The following DNAJC9 variants were observed in gnomAD, a reference collection of about 807,000 sequenced individuals.
The protein encoded by DNAJC9 is DnaJ heat shock protein family (Hsp40) member C9.
Under a neutral mutation model 32.4 loss-of-function variants are expected in DNAJC9, and 18 were observed. The observed-to-expected ratio is 0.56, with a 90% CI of 0.38 to 0.82. The LOEUF (loss-of-function observed/expected upper bound fraction) is 0.82, where lower values mean the gene tolerates loss of function less well. DNAJC9 is among the 40% of genes least tolerant of loss of function. The pLI, the probability that DNAJC9 is intolerant of heterozygous loss-of-function variation, is 0.00. For synonymous variants in DNAJC9, 113 were observed against 122.1 expected (o/e 0.93, Z 0.49); for missense variants, 310 against 321.8 (o/e 0.96, Z 0.28).
Position 73,242,167 on chromosome 10 carries a change from T to C in DNAJC9, c.*1233A>G, listed in dbSNP as rs1363691357. The C allele has an allele frequency of 6.6e-6, 1 of 152,176 alleles. No homozygotes were observed. Among genetic ancestry groups the C allele is most frequent in the African/African-American group, 2.4e-5 (1 of 41,452 alleles). 9.4% of individuals were successfully genotyped at this position (152,176 alleles called of 1,614,324 possible). A position where few individuals can be genotyped will look rare whatever the true frequency, so the allele number is the denominator to read the frequency against. ...AATTATATTTTTAATAAAATTAAAATCTATTTTTAACCTATTTGTAGTCAC... is the reference window on the plus strand; with the variant it reads ...AATTATATTTTTAATAAAATTAAAACCTATTTTTAACCTATTTGTAGTCAC... On this transcript the variant is annotated 3_prime_UTR_variant, in exon 5 of 5. Transcript: ENST00000372950.
intron 3 of DNAJC9, chr10:73,244,447 G>C (rs2133426707): frequency 6.6e-6 from 1 of 150,698 alleles, no homozygotes; most frequent in Middle Eastern, 3.4e-3. Context: ...AATAAGCTGT[G>C]ATCATGCCTC....
chr10:73,240,667 A>G (rs971138475), downstream of DNAJC9, among the ~76,000 whole-genome samples: 2 of 151,472 alleles, frequency 1.3e-5, no homozygotes, highest in East Asian at 1.9e-4. Flanking sequence ...AGCCGAGATC[A>G]TGCCACTGCA....
At chr10:73,232,604 T>G (rs904520205) in intron 2 of DNAJC9, among the ~76,000 whole-genome samples, 1 of 152,230 alleles carries the variant, frequency 6.6e-6, no homozygotes, top group African/African-American at 2.4e-5. Context: ...GGCAAATTTT[T>G]GGGAAGCACT....
Position 73,247,062 on chromosome 10 carries a change from T to C in DNAJC9, c.128A>G (p.His43Arg). Reference protein sequence around the residue: ...RGYHKVSLQVHPDRVGEGDKE... With the variant: ...RGYHKVSLQVRPDRVGEGDKE... ...GTCGCCCTCACCCACCCGGTCCGGG[T>C]GTACCTGCAGGGACACCTTGTGGTA... Residue 43 changes from histidine (H) to arginine (R), a missense_variant, in exon 1 of 5, where the codon CAC becomes CGC. Transcript: ENST00000372950. The C allele has an allele frequency of 6.3e-7, 1 of 1,583,322 alleles. No individual in the cohort carries two copies. Among genetic ancestry groups the C allele is most frequent in the Non-Finnish European group, 8.6e-7 (1 of 1,166,016 alleles).
Position 73,246,818 on chromosome 10 carries a change from T to C in DNAJC9, c.191A>G (p.Lys64Arg). 1 of 1,614,048 alleles carries C rather than the reference T, an allele frequency of 6.2e-7. No individual in the cohort carries two copies. Among genetic ancestry groups the C allele is most frequent in the Non-Finnish European group, 8.5e-7 (1 of 1,180,006 alleles). Residue 64 changes from lysine (K) to arginine (R), a missense_variant, in exon 2 of 5, where the codon AAA becomes AGA. Lys to Arg is a conservative substitution (Grantham distance 26). Coordinates refer to ENST00000372950, the MANE Select transcript of DNAJC9 (RefSeq NM_015190.5). Reference sequence around the variant, plus strand: ...TCTGTCACTGAGAACGGAATAGACTTTTCCCAGGATCTGAGGGCAAAGAGT... The same window carrying C: ...TCTGTCACTGAGAACGGAATAGACTCTTCCCAGGATCTGAGGGCAAAGAGT... ...DATRRFQILG[K>R]VYSVLSDREQ...
At chr10:73,235,684 G>A (rs1007537329), downstream of DNAJC9, among the ~76,000 whole-genome samples, 2 of 152,182 alleles carry the variant, frequency 1.3e-5, no homozygotes, top group African/African-American at 2.4e-5. Context: ...CCTGGTGGAT[G>A]AGTGAGTTGG....
chr10:73,245,603 C>A (rs1263533148), intron 3 of DNAJC9, among the ~76,000 whole-genome samples: 2 of 152,164 alleles, frequency 1.3e-5, no homozygotes, highest in African/African-American at 4.8e-5. Flanking sequence ...TCCTGTGTAC[C>A]CGGGTTCCAC....
chr10:73,232,981 C>G, intron 2 of DNAJC9: 4 of 1,551,876 alleles, frequency 2.6e-6, no homozygotes, highest in Non-Finnish European at 3.5e-6. Context: ...GGTCCAGTAC[C>G]ATCCTTTCAA....
chr10:73,240,481 G>A (rs1379415195), downstream of DNAJC9, among the ~76,000 whole-genome samples: 2 of 152,188 alleles, frequency 1.3e-5, no homozygotes, highest in African/African-American at 4.8e-5. Context: ...CGGAGGCCAA[G>A]GCGGGCGGAT....
At chr10:73,244,866 T>A (rs1158197376) in intron 3 of DNAJC9, among the ~76,000 whole-genome samples, 1 of 152,210 alleles carries the variant, frequency 6.6e-6, no homozygotes, top group Non-Finnish European at 1.5e-5. Context: ...CCTATCCCAA[T>A]AAGACACCGT....
At chr10:73,243,956 A>G (rs553467405) in intron 3 of DNAJC9, 27 bp from the exon 4 acceptor site, 14 of 1,584,898 alleles carry the variant, frequency 8.8e-6, no homozygotes, top group Middle Eastern at 1.7e-4. Flanking sequence ...CATGAGACTC[A>G]GGGCCACCAG....
In DNAJC9 at chr10:73,232,889, C is replaced by T. The variant is rs1343222708; in HGVS notation, n.147+10954G>A. 4 of 1,131,472 alleles carry T rather than the reference C, an allele frequency of 3.5e-6. No homozygotes were observed. The Admixed American group carries it at 7.9e-5, about 22-fold the overall frequency. 70.1% of individuals were successfully genotyped at this position (1,131,472 alleles called of 1,614,324 possible). ...TTTTTACCCCGTTAGTCTTGTCTTC[C>T]TTGACATACTGATCTTTACTTCATT... On this transcript the variant is annotated intron_variant and non_coding_transcript_variant, in intron 2 of 2. Coordinates refer to the DNAJC9 transcript ENST00000469143.
At chr10:73,233,109 A>G in intron 2 of DNAJC9, 7 of 1,551,794 alleles carry the variant, frequency 4.5e-6, no homozygotes, top group Non-Finnish European at 6.1e-6. Context: ...AGCACGAGCC[A>G]TTCATGTGCT....
downstream of DNAJC9, among the ~76,000 whole-genome samples, chr10:73,236,603 GGGGTTTTGC>G (rs2043827780): frequency 2.0e-5 from 3 of 151,766 alleles, no homozygotes; most frequent in Admixed American, 6.6e-5. Flanking sequence ...TACTAGAGAT[GGGGTTTTGC>G]CATCTTGGCC....
In DNAJC9 at chr10:73,247,174, G is replaced by T. The variant is rs201308148; in HGVS notation, c.16C>A (p.Leu6Ile). The change falls in exon 1 of 5, where the codon CTT becomes ATT. Residue 6 changes from leucine to isoleucine, a missense_variant. Leu to Ile is a conservative substitution (Grantham distance 5). Coordinates refer to ENST00000372950, the MANE Select transcript of DNAJC9 (RefSeq NM_015190.5). MGLLD[L>I]CEEVFGTADL... ...GCGGTGCCGAACACTTCCTCGCAAA[G>T]GTCCAGCAGCCCCATGCCGGGCGGA... is the stretch of plus-strand genomic sequence containing the variant. 546 of 1,595,444 alleles carry T rather than the reference G, an allele frequency of 3.4e-4. 2 individuals carry two copies. In the Middle Eastern group the frequency reaches 5.5e-3, roughly 16 times the overall value.
At chr10:73,232,862 GCTTTTTACCCCGTTAGTCTTGT>G in intron 2 of DNAJC9, 1 of 876,250 alleles carries the variant, frequency 1.1e-6, no homozygotes, top group Non-Finnish European at 1.8e-6. Context: ...CTAGTCTAAG[GCTTTTTACCCCGTTAGTCTTGT>G]CTTCCTTGAC....
downstream of DNAJC9, chr10:73,235,478 T>A: frequency 7.0e-7 from 1 of 1,424,412 alleles, no homozygotes; most frequent in South Asian, 1.5e-5. Flanking sequence ...TTTGTTCAAA[T>A]TCTAACTAGT....
At chr10:73,233,141 G>A (rs1441572599) in intron 2 of DNAJC9, 3 of 1,551,510 alleles carry the variant, frequency 1.9e-6, no homozygotes, top group Non-Finnish European at 2.6e-6. Flanking sequence ...ATCTGTGGAA[G>A]AAATCCTCAG....
chr10:73,232,402 C>T lies in DNAJC9; in HGVS notation n.147+11441G>A, dbSNP rs1285465927. Reference sequence around the variant, plus strand: ...GGCAGCACAAGACCCTTTGCCCACTCCCAGCTTTCCAAAGAACCCAAACCC... The same window carrying T: ...GGCAGCACAAGACCCTTTGCCCACTTCCAGCTTTCCAAAGAACCCAAACCC... On this transcript the variant is annotated intron_variant and non_coding_transcript_variant, in intron 2 of 2. Coordinates refer to the DNAJC9 transcript ENST00000469143. Among the ~76,000 whole-genome samples, 4 of 152,314 alleles carry T rather than the reference C, an allele frequency of 2.6e-5. No individual in the cohort carries two copies. The East Asian group carries it at 7.7e-4, about 29-fold the overall frequency.
Sources: allele counts gnomAD v4.1 joint callset (sites outside exome capture counted in the v4.1 genomes callset), GRCh38; gene constraint gnomAD v4.1.1; transcripts MANE v1.5; gene names NCBI Gene and HGNC (gene_info 2026-07-23, HGNC 2026-07-21).